Variants in TIAM1 observed in about 807,000 individuals in gnomAD.
The protein encoded by TIAM1 is rho guanine nucleotide exchange factor TIAM1.
Under a neutral mutation model 163.5 loss-of-function variants are expected in TIAM1, and 65 were observed. The observed-to-expected ratio is 0.40, with a 90% CI of 0.33 to 0.49. The LOEUF is 0.49. TIAM1 is among the 20% of genes least tolerant of loss of function. TIAM1 has a pLI of 0.77. For synonymous variants in TIAM1, 833 were observed against 810.1 expected (o/e 1.03, Z -0.48); for missense variants, 1,789 against 2,044.7 (o/e 0.87, Z 2.41).
At chr21:31,498,394 G>A (rs371144390) in intron 1 of TIAM1, among the ~76,000 whole-genome samples, 5 of 152,120 alleles carry the variant, frequency 3.3e-5, no homozygotes, top group African/African-American at 4.8e-5. Context: ...AGAAGATGGT[G>A]AGCTCATCTG....
At chr21:31,495,005 G>A (rs956889153) in intron 1 of TIAM1, among the ~76,000 whole-genome samples, 7 of 152,306 alleles carry the variant, frequency 4.6e-5, no homozygotes, top group African/African-American at 1.4e-4. Flanking sequence ...GCAAAGGGAC[G>A]TCATGTTGCC....
At chr21:31,215,580 AAAAAAAAAAG>A (rs2087148493) in intron 9 of TIAM1, among the ~76,000 whole-genome samples, 5 of 151,034 alleles carry the variant, frequency 3.3e-5, no homozygotes, top group Admixed American at 3.3e-4. Flanking sequence ...AAAAAAAAAA[AAAAAAAAAAG>A]AAGAGAAATG....
chr21:31,256,630 T>TC lies in TIAM1; in HGVS notation c.964-4442_964-4441insG, dbSNP rs1348015575. Among the ~76,000 whole-genome samples the TC allele has an allele frequency of 1.8e-3, 269 of 149,044 alleles. 2 individuals are homozygous for TC. The highest frequency in any genetic ancestry group is 6.3e-3 in the African/African-American group (256 of 40,366). On this transcript the variant is annotated intron_variant, in intron 4 of 27. Transcript: ENST00000541036. Reference sequence around the variant, plus strand: ...ACACACACACACACACACACACACGTATATTATCTTTGGCTCTCAGTATTA... The same window carrying TC: ...ACACACACACACACACACACACACGTCATATTATCTTTGGCTCTCAGTATTA...
At chr21:31,235,954 G>A (rs1184094523) in intron 6 of TIAM1, among the ~76,000 whole-genome samples, 1 of 152,212 alleles carries the variant, frequency 6.6e-6, no homozygotes, top group Admixed American at 6.5e-5. Context: ...GTAGGCAAGT[G>A]GGGCCCCTGC....
Position 31,184,307 on chromosome 21 carries a change from T to C in TIAM1, c.2663-1662A>G, listed in dbSNP as rs528176807. Among the ~76,000 whole-genome samples, 7 of 152,294 alleles carry C rather than the reference T, an allele frequency of 4.6e-5. No homozygotes were observed. The South Asian group carries it at 1.5e-3, about 32-fold the overall frequency. On this transcript the variant is annotated intron_variant, in intron 14 of 27. Coordinates refer to ENST00000541036, the MANE Select transcript of TIAM1 (RefSeq NM_001353694.2). ...TTTTAGTAGAGACAGGGTTTCACCA[T>C]GTTAGCCAGGCTGGTCTGGAACTCC...
At chr21:31,311,130 T>C (rs1198326185) in intron 2 of TIAM1, among the ~76,000 whole-genome samples, 1 of 151,874 alleles carries the variant, frequency 6.6e-6, no homozygotes, top group African/African-American at 2.4e-5. Flanking sequence ...CTCTCCCTGA[T>C]GTCTCTGCCA....
In TIAM1 at chr21:31,509,335, G is replaced by C. The variant is rs567307756; in HGVS notation, c.-421-45300C>G. Among the ~76,000 whole-genome samples the C allele has an allele frequency of 1.4e-3, 219 of 152,258 alleles. 2 individuals carry two copies. The highest frequency in any genetic ancestry group is 5.0e-3 in the African/African-American group (208 of 41,548). ...CCTGAATATGACATGGAAAAAGGAA[G>C]CAGACATCCCCCGGCAGAGGTGCAA... On this transcript the variant is annotated intron_variant, in intron 1 of 28. Transcript: ENST00000286827.
chr21:31,528,044 G>C (rs1302812048), intron 1 of TIAM1, among the ~76,000 whole-genome samples: 2 of 152,174 alleles, frequency 1.3e-5, no homozygotes, highest in African/African-American at 4.8e-5. Context: ...GTGATTCTAG[G>C]CTTTCCAGCG....
At chr21:31,473,140 G>GAA (rs1466395843) in intron 1 of TIAM1, among the ~76,000 whole-genome samples, 3 of 152,024 alleles carry the variant, frequency 2.0e-5, no homozygotes, top group Non-Finnish European at 2.9e-5. Flanking sequence ...CTTACAAAAA[G>GAA]AACATGGCAG....
intron 2 of TIAM1, among the ~76,000 whole-genome samples, chr21:31,353,162 A>G (rs765692882): frequency 6.6e-5 from 10 of 152,132 alleles, no homozygotes; most frequent in Non-Finnish European, 1.3e-4. Flanking sequence ...CCAAATTTCA[A>G]CGCATATCAA....
At chr21:31,216,375 T>A (rs143142711) in intron 9 of TIAM1, among the ~76,000 whole-genome samples, 3 of 152,110 alleles carry the variant, frequency 2.0e-5, no homozygotes, top group Middle Eastern at 3.2e-3. Context: ...ATGCGGTGAA[T>A]AGGTCAAACT....
Position 31,208,114 on chromosome 21 carries a change from A to G in TIAM1, c.2388+1931T>C, listed in dbSNP as rs1193518335. The stretch of plus-strand genomic sequence containing the variant: ...ACTACATTATCTAGATATGGTCTCT[A>G]ACTGTCAATGACAATACTATTCTTC... On this transcript the variant is annotated intron_variant, in intron 11 of 27. Coordinates refer to ENST00000541036, the MANE Select transcript of TIAM1 (RefSeq NM_001353694.2). 2.0e-5 allele frequency among the ~76,000 whole-genome samples: 3 copies of G among 152,212 alleles called. No homozygotes were observed. In the East Asian group the frequency reaches 5.8e-4, roughly 29 times the overall value.
At chr21:31,424,794 T>TAATCCC (rs954400943) in intron 2 of TIAM1, among the ~76,000 whole-genome samples, 7 of 152,202 alleles carry the variant, frequency 4.6e-5, no homozygotes, top group African/African-American at 1.7e-4. Flanking sequence ...CTCACGCCTA[T>TAATCCC]AATCCCAGCA....
Position 31,132,973 on chromosome 21 carries a change from T to C in TIAM1, c.3884-2025A>G, listed in dbSNP as rs1484937418. 3.9e-5 allele frequency among the ~76,000 whole-genome samples: 6 copies of C among 152,354 alleles called. 1 individual carries two copies. The highest frequency in any genetic ancestry group is 3.4e-3 in the Middle Eastern group (1 of 294). On this transcript the variant is annotated intron_variant, in intron 23 of 27. Transcript: ENST00000541036. ...TCCTGTGAAACATCAAGGCGCTTCG[T>C]TGGCAGCAAGTCAACTTCGGTTTCA...
chr21:31,160,662 A>T (rs2083868187), intron 16 of TIAM1: 1 of 395,700 alleles, frequency 2.5e-6, no homozygotes, highest in Admixed American at 4.4e-5. Flanking sequence ...TCTCATATGG[A>T]CGTCCCATGC....
chr21:31,487,196 G>A (rs1355518676), intron 1 of TIAM1, among the ~76,000 whole-genome samples: 1 of 152,100 alleles, frequency 6.6e-6, no homozygotes, highest in East Asian at 1.9e-4. Flanking sequence ...GATGGTGTCT[G>A]AAAACAGCTG....
At chr21:31,495,712 G>A (rs2046617262) in intron 1 of TIAM1, among the ~76,000 whole-genome samples, 1 of 152,214 alleles carries the variant, frequency 6.6e-6, no homozygotes, top group South Asian at 2.1e-4. Context: ...GCTCACGCCT[G>A]TAATCCCGGC....
chr21:31,243,697 T>G (rs2071344659), intron 6 of TIAM1, among the ~76,000 whole-genome samples: 1 of 152,124 alleles, frequency 6.6e-6, no homozygotes. Context: ...TCAAAGAGAA[T>G]GATACCTAGA....
At chr21:31,164,753 G>A (rs574434150) in intron 16 of TIAM1, among the ~76,000 whole-genome samples, 3 of 152,312 alleles carry the variant, frequency 2.0e-5, no homozygotes, top group Non-Finnish European at 2.9e-5. Context: ...ATTTCATTAC[G>A]AGTGATTTCT....
Sources: allele counts gnomAD v4.1 joint callset (sites outside exome capture counted in the v4.1 genomes callset), GRCh38; gene constraint gnomAD v4.1.1; transcripts MANE v1.5; gene names NCBI Gene and HGNC (gene_info 2026-07-23, HGNC 2026-07-21).